PAK5: variants seen among roughly 807,000 people sequenced by gnomAD.
PAK5 encodes the protein p21 (RAC1) activated kinase 5, also known as serine/threonine-protein kinase PAK 5.
A neutral mutation model predicts 65.9 loss-of-function variants in PAK5; 16 were observed. The ratio of observed to expected loss-of-function variants is 0.24; its 90% CI spans 0.16 to 0.37. The LOEUF (loss-of-function observed/expected upper bound fraction) is 0.37. Among genes scored for constraint, PAK5 ranks in the 10% least tolerant of loss-of-function variants. The pLI, the probability that PAK5 is intolerant of heterozygous loss-of-function variation, is 1.00. For missense variants in PAK5, 785 were observed against 903.9 expected (o/e 0.87, Z 1.69); for synonymous variants, 371 against 354.9 (o/e 1.05, Z -0.51).
rs1308748918 is a variant in PAK5 at position 9,537,919 on chromosome 20, A to G, written c.*1543T>C. ...AAATAATTAGCAACCTATTAATTAC[A>G]AAAATTCTTAATTATGCTTAGAGCA... is the stretch of plus-strand genomic sequence containing the variant. On this transcript the variant is annotated 3_prime_UTR_variant, in exon 10 of 10. Transcript: ENST00000353224. 4.3e-6 allele frequency: 1 copy of G among 229,908 alleles called. No individual in the cohort carries two copies. Among genetic ancestry groups the G allele is most frequent in the African/African-American group, 2.2e-5 (1 of 45,112 alleles). The allele number at this position is 229,908 out of a possible 1,614,324, so 14.2% of individuals were successfully genotyped here.
intron 1 of PAK5, among the ~76,000 whole-genome samples, chr20:9,774,166 AT>A (rs1220732438): frequency 1.3e-5 from 2 of 152,188 alleles, no homozygotes; most frequent in African/African-American, 4.8e-5. Context: ...TGAACACTTC[AT>A]TCAGTGTGAC....
At chr20:9,771,828 A>C (rs2048837226) in intron 1 of PAK5, among the ~76,000 whole-genome samples, 1 of 152,102 alleles carries the variant, frequency 6.6e-6, no homozygotes, top group South Asian at 2.1e-4. Context: ...TCACTTGAGC[A>C]GGAGTTTGAG....
intron 2 of PAK5, among the ~76,000 whole-genome samples, chr20:9,705,763 T>C (rs979000575): frequency 1.3e-5 from 2 of 152,158 alleles, no homozygotes; most frequent in Non-Finnish European, 2.9e-5. Context: ...TTTTTCATAA[T>C]AGCAGATAAT....
chr20:9,679,719 C>T (rs1003918104), intron 2 of PAK5, among the ~76,000 whole-genome samples: 10 of 152,174 alleles, frequency 6.6e-5, no homozygotes, highest in Non-Finnish European at 1.3e-4. Context: ...TAATACGGTG[C>T]TCTCATTTCC....
At chr20:9,632,734 T>C (rs1427533351) in intron 3 of PAK5, among the ~76,000 whole-genome samples, 6 of 152,226 alleles carry the variant, frequency 3.9e-5, no homozygotes, top group Admixed American at 3.3e-4. Context: ...TGTGCCTACC[T>C]GAGTCTTAGT....
intron 1 of PAK5, among the ~76,000 whole-genome samples, chr20:9,798,507 C>T (rs899072202): frequency 3.9e-5 from 6 of 152,212 alleles, no homozygotes; most frequent in South Asian, 2.1e-4. Context: ...AAGAAGATGT[C>T]GGGAATCTTC....
At position 9,550,555 on chromosome 20, in the gene PAK5, G is replaced by T. The variant is rs1216624540; in HGVS notation, c.1744-6061C>A. 3.3e-5 allele frequency among the ~76,000 whole-genome samples: 5 copies of T among 152,192 alleles called. No homozygotes were observed. In the East Asian group the frequency reaches 9.7e-4, roughly 29 times the overall value. On this transcript the variant is annotated intron_variant, in intron 7 of 9. Coordinates refer to ENST00000353224, the MANE Select transcript of PAK5 (RefSeq NM_177990.4). ...AAATCTGAAAGACTGGGTTTATAAA[G>T]GTATCATTTATACCTCATAATAATG...
intron 1 of PAK5, among the ~76,000 whole-genome samples, chr20:9,783,745 T>C (rs6087020): frequency 0.77 from 116,932 of 152,048 alleles, 45,105 homozygotes; most frequent in African/African-American, 0.84. Flanking sequence ...TGCAATACAA[T>C]GTTGTAACTC....
intron 2 of PAK5, among the ~76,000 whole-genome samples, chr20:9,665,422 G>A (rs2047403843): frequency 1.3e-5 from 2 of 152,128 alleles, no homozygotes; most frequent in Admixed American, 1.3e-4. Flanking sequence ...GCTGCTAGCT[G>A]TGAACATGTG....
chr20:9,577,020 T>C (rs1319879026), intron 4 of PAK5, among the ~76,000 whole-genome samples: 3 of 152,182 alleles, frequency 2.0e-5, no homozygotes, highest in Non-Finnish European at 4.4e-5. Flanking sequence ...GTCAAATACA[T>C]GGCGGCAATT....
chr20:9,682,257 T>C (rs1036009426), intron 2 of PAK5, among the ~76,000 whole-genome samples: 1 of 152,082 alleles, frequency 6.6e-6, no homozygotes, highest in Non-Finnish European at 1.5e-5. Context: ...CTCGGGAGGC[T>C]GAGGCAGGAG....
intron 4 of PAK5, among the ~76,000 whole-genome samples, chr20:9,568,094 G>A (rs186296179): frequency 1.3e-5 from 2 of 152,278 alleles, no homozygotes; most frequent in East Asian, 3.9e-4. Flanking sequence ...AGCTGCCGGG[G>A]GACAGATCAT....
At chr20:9,550,165 G>A (rs554890006) in intron 7 of PAK5, among the ~76,000 whole-genome samples, 4 of 152,248 alleles carry the variant, frequency 2.6e-5, no homozygotes, top group East Asian at 1.9e-4. Context: ...GCAGGGGTTC[G>A]GAAGTTCCTC....
rs372285092 is a variant in PAK5, at chr20:9,642,052, G to T, written c.204+2073C>A. 5.3e-3 allele frequency among the ~76,000 whole-genome samples: 815 copies of T among 152,342 alleles called. 6 individuals carry two copies. The highest frequency in any genetic ancestry group is 0.018 in the African/African-American group (764 of 41,582). ...AGGGGCTCCCACAGTGCAGCGGGGG[G>T]GCTGAAGGGCTCCTCAAATGCCACC... On this transcript the variant is annotated intron_variant, in intron 3 of 9. Coordinates refer to ENST00000353224, the MANE Select transcript of PAK5 (RefSeq NM_177990.4).
intron 2 of PAK5, among the ~76,000 whole-genome samples, chr20:9,658,064 G>GTTTC (rs2047293394): frequency 6.6e-6 from 1 of 152,164 alleles, no homozygotes; most frequent in South Asian, 2.1e-4. Context: ...GCGAAGTAGG[G>GTTTC]TTTCCCCAAA....
intron 2 of PAK5, among the ~76,000 whole-genome samples, chr20:9,674,705 A>G (rs1274376175): frequency 6.6e-6 from 1 of 152,192 alleles, no homozygotes; most frequent in African/African-American, 2.4e-5. Flanking sequence ...CTTTCAGGAA[A>G]GCAGGGCAGG....
At chr20:9,668,069 A>G (rs1330842127) in intron 2 of PAK5, among the ~76,000 whole-genome samples, 1 of 152,164 alleles carries the variant, frequency 6.6e-6, no homozygotes, top group African/African-American at 2.4e-5. Flanking sequence ...ACAAGAGGAA[A>G]GAACTATTTT....
Position 9,644,344 on chromosome 20 carries a change from G to C in PAK5, c.-11-5C>G, listed in dbSNP as rs750959570. 1 of 1,597,362 alleles carries C rather than the reference G, an allele frequency of 6.3e-7. No individual in the cohort carries two copies. Among genetic ancestry groups the C allele is most frequent in the Admixed American group, 1.7e-5 (1 of 59,142 alleles). On this transcript the variant is annotated splice_polypyrimidine_tract_variant and splice_region_variant and intron_variant, in intron 2 of 9. Transcript: ENST00000353224. The stretch of plus-strand genomic sequence containing the variant: ...TCCCAAACATGATGCCAAAACCTGG[G>C]AAATATAAATGGAAAAGAGGCAGCC...
At chr20:9,665,231 C>T (rs1424180763) in intron 2 of PAK5, among the ~76,000 whole-genome samples, 1 of 151,334 alleles carries the variant, frequency 6.6e-6, no homozygotes, top group Non-Finnish European at 1.5e-5. Flanking sequence ...ACTTGTAAGG[C>T]TTGAAAGGAC....
Sources: gnomAD v4.1 joint callset for allele counts (sites outside exome capture counted in the v4.1 genomes callset) on GRCh38, gnomAD v4.1.1 for gene constraint, MANE v1.5 for transcripts, NCBI Gene and HGNC (gene_info 2026-07-23, HGNC 2026-07-21) for gene names.